Variants in VPS50 observed in about 807,000 individuals in gnomAD.
VPS50 encodes the protein VPS50 subunit of EARP/GARPII complex.
In VPS50, 70 loss-of-function variants were observed where a neutral mutation model predicts 139.7. The ratio of observed to expected loss-of-function variants is 0.50; its 90% confidence interval spans 0.41 to 0.61. The LOEUF (loss-of-function observed/expected upper bound fraction) is 0.61. Ranked by LOEUF, VPS50 falls within the 20% of genes least tolerant of loss-of-function variation. The probability of loss-of-function intolerance (pLI) is 0.00; values close to 1 mark genes in which losing one functional copy is unlikely to be tolerated. For missense variants in VPS50, 921 were observed against 1,133.7 expected, an observed-to-expected ratio of 0.81 and a Z score of 2.69; for synonymous variants, 365 against 376.7, an observed-to-expected ratio of 0.97 and a Z score of 0.36.
chr7:93,354,819 G>A (rs901902199), intron 26 of VPS50, among the ~76,000 whole-genome samples: 36 of 152,014 alleles, frequency 2.4e-4, no homozygotes, highest in African/African-American at 7.7e-4. Flanking sequence ...CCTGAGAAGC[G>A]AACAGCTATT....
chr7:93,333,223 C>A (rs980188207), intron 21 of VPS50, among the ~76,000 whole-genome samples: 1 of 151,728 alleles, frequency 6.6e-6, no homozygotes, highest in Non-Finnish European at 1.5e-5. Context: ...TATGGCACAA[C>A]TATTTTCACG....
intron 11 of VPS50, among the ~76,000 whole-genome samples, chr7:93,274,593 T>TC (rs1294548006): frequency 6.6e-6 from 1 of 152,078 alleles, no homozygotes; most frequent in African/African-American, 2.4e-5. Flanking sequence ...ATGTACCTAG[T>TC]CCCCCATGAC....
At chr7:93,316,462 C>A (rs1256731490) in intron 20 of VPS50, among the ~76,000 whole-genome samples, 1 of 152,224 alleles carries the variant, frequency 6.6e-6, no homozygotes, top group African/African-American at 2.4e-5. Flanking sequence ...GTCTCCCAGG[C>A]AAGGGATGAT....
intron 22 of VPS50, among the ~76,000 whole-genome samples, chr7:93,339,762 A>G (rs146249162): frequency 3.2e-4 from 48 of 152,286 alleles, no homozygotes; most frequent in African/African-American, 1.1e-3. Context: ...CTGTCATTCT[A>G]TGATTCAATC....
At chr7:93,253,644 AG>A (rs1313567633) in intron 3 of VPS50, among the ~76,000 whole-genome samples, 2 of 152,226 alleles carry the variant, frequency 1.3e-5, no homozygotes, top group East Asian at 3.9e-4. Flanking sequence ...AGGCTGAATG[AG>A]GGGTGGAACC....
Position 93,349,996 on chromosome 7 carries a change from T to C in VPS50, c.2426T>C (p.Met809Thr). Residue 809 changes from methionine (M) to threonine (T), a missense_variant, in exon 25 of 28, where the codon ATG becomes ACG. By Grantham distance (81) the Met-to-Thr change is moderately conservative. Around this residue, in one of 3 missense-constraint regions of VPS50, gnomAD observed 19 missense variants for 46.8 expected, o/e 0.41. Coordinates refer to ENST00000305866, the MANE Select transcript of VPS50 (RefSeq NM_017667.4). ...ANVKWDVKEI[M>T]SQHNIYVDAL... ...GTGAAATGGGATGTAAAAGAAATTA[T>C]GTCACAGCACAACATATATGTAGAT... is the stretch of plus-strand genomic sequence containing the variant. The C allele has an allele frequency of 1.2e-6, 2 of 1,613,432 alleles. No individual in the cohort carries two copies. Among genetic ancestry groups the C allele is most frequent in the Non-Finnish European group, 1.7e-6 (2 of 1,179,500 alleles).
chr7:93,272,147 A>G (rs1451129368), intron 10 of VPS50, among the ~76,000 whole-genome samples: 4 of 151,876 alleles, frequency 2.6e-5, no homozygotes, highest in African/African-American at 9.7e-5. Context: ...ATTGAAAAAG[A>G]AATCCATAAA....
chr7:93,355,458 TATTTC>T (rs1305281746), intron 26 of VPS50, among the ~76,000 whole-genome samples: 15 of 152,216 alleles, frequency 9.9e-5, no homozygotes, highest in African/African-American at 2.9e-4. Flanking sequence ...ATGGGAGAAT[TATTTC>T]ATTTGTTTCT....
rs1229882727 is a variant in VPS50 at position 93,258,222 on chromosome 7, G to A, written c.486G>A (p.Arg162=). 6.2e-7 allele frequency: 1 copy of A among 1,604,032 alleles called. No individual in the cohort carries two copies. The highest frequency in any genetic ancestry group is 8.5e-7 in the Non-Finnish European group (1 of 1,171,160). Residue 162 remains arginine (R), a synonymous_variant, in exon 7 of 28, where the codon AGG becomes AGA. Coordinates refer to ENST00000305866, the MANE Select transcript of VPS50 (RefSeq NM_017667.4). ...GTTTAGGCCTTCTTGCAAATCAAAG[G>A]AAACGTCAGTTGCTGATTGGACTTC... The part of the protein sequence containing the change: ...QASLGLLANQ[R]KRQLLIGLLK...
At chr7:93,262,760 A>G (rs1221195663) in intron 9 of VPS50, among the ~76,000 whole-genome samples, 2 of 152,118 alleles carry the variant, frequency 1.3e-5, no homozygotes, top group African/African-American at 4.8e-5. Context: ...CTCCGCTAGC[A>G]TTTCTTCTCC....
intron 5 of VPS50, 85 bp from the exon 6 acceptor site, chr7:93,257,309 A>T: frequency 1.3e-6 from 1 of 757,908 alleles, no homozygotes; most frequent in Non-Finnish European, 2.2e-6. Context: ...TTTGCATCTG[A>T]CTAGAGTTTT....
chr7:93,248,519 TAAAAG>T (rs1360303617), intron 2 of VPS50, among the ~76,000 whole-genome samples: 2 of 152,144 alleles, frequency 1.3e-5, no homozygotes, highest in East Asian at 3.8e-4. Context: ...TATCTCTAAT[TAAAAG>T]AAAGAAATGT....
In VPS50 at chr7:93,258,289, C is replaced by G; in HGVS notation, c.540+13C>G. 1 of 1,568,170 alleles carries G rather than the reference C, an allele frequency of 6.4e-7. No individual in the cohort carries two copies. The highest frequency in any genetic ancestry group is 1.7e-4 in the Middle Eastern group (1 of 5,962). ...TATAAAAACATTGGTATATATGGGT[C>G]ATTTAAAAAAATTAAAACTGAATTT... On this transcript the variant is annotated intron_variant, in intron 7 of 27. Transcript: ENST00000305866.
At chr7:93,279,374 T>C (rs1429198774) in intron 12 of VPS50, among the ~76,000 whole-genome samples, 1 of 152,172 alleles carries the variant, frequency 6.6e-6, no homozygotes, top group African/African-American at 2.4e-5. Context: ...CTATAAAATA[T>C]AGTGGTTAGC....
At chr7:93,264,825 A>G (rs1795792554) in intron 9 of VPS50, among the ~76,000 whole-genome samples, 1 of 152,046 alleles carries the variant, frequency 6.6e-6, no homozygotes, top group Non-Finnish European at 1.5e-5. Context: ...GTAATGTTTG[A>G]ACATTGATTG....
At chr7:93,328,339 C>T (rs901603831) in intron 21 of VPS50, among the ~76,000 whole-genome samples, 4 of 152,302 alleles carry the variant, frequency 2.6e-5, no homozygotes, top group Middle Eastern at 6.8e-3. Flanking sequence ...GTAAATCTTA[C>T]GAAGGTTCTT....
intron 23 of VPS50, among the ~76,000 whole-genome samples, chr7:93,342,538 CA>C (rs1214023596): frequency 2.0e-5 from 3 of 152,206 alleles, no homozygotes; most frequent in African/African-American, 7.2e-5. Flanking sequence ...CACAGACAAA[CA>C]AAAAGACAGC....
intron 9 of VPS50, 136 bp from the exon 10 acceptor site, chr7:93,271,084 A>G (rs1795991331): frequency 1.5e-6 from 2 of 1,325,110 alleles, no homozygotes; most frequent in Non-Finnish European, 2.0e-6. Flanking sequence ...GTCTATATGT[A>G]GAATTCAGCA....
At chr7:93,271,640 G>A (rs909732291) in intron 10 of VPS50, among the ~76,000 whole-genome samples, 2 of 151,628 alleles carry the variant, frequency 1.3e-5, no homozygotes, top group Non-Finnish European at 3.0e-5. Flanking sequence ...ATTGGCTGAT[G>A]AAAACCCTCC....
Sources: allele counts gnomAD v4.1 joint callset (sites outside exome capture counted in the v4.1 genomes callset), GRCh38; gene constraint gnomAD v4.1.1; regional missense constraint gnomAD v4.1.1; transcripts MANE v1.5; gene names NCBI Gene and HGNC (gene_info 2026-07-23, HGNC 2026-07-21).